PTCSC3: variants seen among roughly 807,000 people sequenced by gnomAD.
PTCSC3 encodes papillary thyroid carcinoma susceptibility candidate 3, also known as papillary thyroid carcinoma susceptibility candidate 3 (non-protein coding).
At chr14:36,150,931 G>T (rs1227432508) in intron 3 of PTCSC3, among the ~76,000 whole-genome samples, 1 of 103,488 alleles carries the variant, frequency 9.7e-6, no homozygotes, top group African/African-American at 3.0e-5. Flanking sequence ...GAATAAGAAA[G>T]GTATTTTTTT....
chr14:36,171,856 A>G (rs1373494655), intron 1 of PTCSC3, among the ~76,000 whole-genome samples: 4 of 152,106 alleles, frequency 2.6e-5, no homozygotes, highest in Non-Finnish European at 5.9e-5. Flanking sequence ...AGATGACCAT[A>G]CCCAGGGAAT....
intron 1 of PTCSC3, among the ~76,000 whole-genome samples, chr14:36,173,345 G>A (rs138223727): frequency 0.014 from 2,068 of 152,126 alleles, 28 homozygotes; most frequent in South Asian, 0.029. Flanking sequence ...ACTGGTAGAG[G>A]CAATCAACAC....
chr14:36,159,459 T>G (rs1399544416), intron 2 of PTCSC3, among the ~76,000 whole-genome samples: 1 of 152,198 alleles, frequency 6.6e-6, no homozygotes, highest in African/African-American at 2.4e-5. Flanking sequence ...TTTGTTCTCA[T>G]TGGTTTCAAA....
chr14:36,154,118 A>G (rs114823781), intron 2 of PTCSC3, among the ~76,000 whole-genome samples: 2,560 of 152,116 alleles, frequency 0.017, 35 homozygotes, highest in South Asian at 0.032. Flanking sequence ...GACAGAATCT[A>G]AAGAAAACAT....
chr14:36,173,144 T>A (rs1882219222), intron 1 of PTCSC3, among the ~76,000 whole-genome samples: 2 of 152,168 alleles, frequency 1.3e-5, no homozygotes, highest in South Asian at 4.1e-4. Context: ...AATTAGGTAT[T>A]TAAAGGCAGT....
intron 3 of PTCSC3, among the ~76,000 whole-genome samples, chr14:36,138,961 A>C (rs1246297473): frequency 6.6e-6 from 1 of 151,996 alleles, no homozygotes; most frequent in Non-Finnish European, 1.5e-5. Flanking sequence ...AAAAATACAA[A>C]AAATTAGCTG....
chr14:36,137,631 G>A (rs1307130437), intron 3 of PTCSC3, among the ~76,000 whole-genome samples: 1 of 152,128 alleles, frequency 6.6e-6, no homozygotes, highest in Non-Finnish European at 1.5e-5. Flanking sequence ...TTTGCTATTG[G>A]ATTGGATATA....
chr14:36,141,392 A>G (rs1881417504), intron 3 of PTCSC3, among the ~76,000 whole-genome samples: 22 of 151,892 alleles, frequency 1.4e-4, no homozygotes, highest in Admixed American at 1.4e-3. Flanking sequence ...CCCTTTATTT[A>G]GATTTTCTTT....
intron 1 of PTCSC3, among the ~76,000 whole-genome samples, chr14:36,168,500 G>A (rs936681470): frequency 6.6e-6 from 1 of 151,398 alleles, no homozygotes; most frequent in Non-Finnish European, 1.5e-5. Flanking sequence ...TTCTAGTTAT[G>A]CTGTCTACTG....
chr14:36,148,778 C>T (rs989169740), intron 3 of PTCSC3, among the ~76,000 whole-genome samples: 2 of 152,090 alleles, frequency 1.3e-5, no homozygotes, highest in African/African-American at 4.8e-5. Flanking sequence ...GGAATTAGCC[C>T]ATTTTATCTA....
At chr14:36,170,164 A>G (rs543056294) in intron 1 of PTCSC3, among the ~76,000 whole-genome samples, 96 of 151,394 alleles carry the variant, frequency 6.3e-4, no homozygotes, top group African/African-American at 2.3e-3. Flanking sequence ...GCAAATAGAA[A>G]GTATTTTTAT....
chr14:36,135,016 G>A (rs1470364374), downstream of PTCSC3, among the ~76,000 whole-genome samples: 1 of 152,184 alleles, frequency 6.6e-6, no homozygotes, highest in Non-Finnish European at 1.5e-5. Context: ...GGCCGCATGT[G>A]AAAGGTGAAG....
At chr14:36,137,046 T>C (rs1052418927) in intron 3 of PTCSC3, among the ~76,000 whole-genome samples, 15 of 147,296 alleles carry the variant, frequency 1.0e-4, no homozygotes, top group Non-Finnish European at 2.1e-4. Flanking sequence ...TCTTTGTAAG[T>C]GTTATAGAAA....
At chr14:36,151,371 T>C (rs1320277722) in intron 3 of PTCSC3, among the ~76,000 whole-genome samples, 2 of 152,150 alleles carry the variant, frequency 1.3e-5, no homozygotes, top group Non-Finnish European at 2.9e-5. Context: ...ATTTTGGGTA[T>C]TCGTTCCCTT....
chr14:36,141,094 T>C (rs954234776), intron 3 of PTCSC3, among the ~76,000 whole-genome samples: 1 of 152,206 alleles, frequency 6.6e-6, no homozygotes, highest in Non-Finnish European at 1.5e-5. Context: ...TGTAAATCAA[T>C]TTGTCTATTT....
chr14:36,141,432 T>A (rs1368044425), intron 3 of PTCSC3, among the ~76,000 whole-genome samples: 1 of 152,076 alleles, frequency 6.6e-6, no homozygotes, highest in East Asian at 1.9e-4. Flanking sequence ...GTTTTCCTCA[T>A]ATATATTTTG....
chr14:36,164,612 T>A (rs1313778279), intron 1 of PTCSC3, among the ~76,000 whole-genome samples: 1 of 152,108 alleles, frequency 6.6e-6, no homozygotes, highest in Non-Finnish European at 1.5e-5. Context: ...AAAACAACTA[T>A]CCGTACTTGG....
chr14:36,165,414 A>G (rs908278536), intron 1 of PTCSC3: 5 of 152,072 alleles, frequency 3.3e-5, no homozygotes, highest in Admixed American at 2.0e-4. Flanking sequence ...TTAAAGGCAC[A>G]TTCTCTCTCC....
At chr14:36,139,209 G>C (rs1161814184) in intron 3 of PTCSC3, among the ~76,000 whole-genome samples, 1 of 150,740 alleles carries the variant, frequency 6.6e-6, no homozygotes, top group Admixed American at 6.6e-5. Flanking sequence ...TAAGAGCCTT[G>C]AACTGAAAAC....
Sources: allele counts gnomAD v4.1 joint callset (sites outside exome capture counted in the v4.1 genomes callset), GRCh38; gene constraint gnomAD v4.1.1; transcripts MANE v1.5; gene names NCBI Gene and HGNC (gene_info 2026-07-23, HGNC 2026-07-21).